Variants in FBXO16 observed in about 807,000 individuals in gnomAD.
The protein encoded by FBXO16 is F-box only protein 16.
FBXO16 carries 31 observed loss-of-function variants against 41.0 expected under a neutral mutation model. The ratio of observed to expected loss-of-function variants is 0.76; its 90% CI spans 0.57 to 1.02. The LOEUF is 1.02. Ranked by LOEUF, FBXO16 falls within the 50% of genes least tolerant of loss-of-function variation. The pLI is 0.00. For missense variants in FBXO16, 361 were observed against 346.2 expected, an observed-to-expected ratio of 1.04 and a Z score of -0.34; for synonymous variants, 133 against 117.8, an observed-to-expected ratio of 1.13 and a Z score of -0.84.
intron 2 of FBXO16, among the ~76,000 whole-genome samples, chr8:28,476,915 T>C (rs1184046833): frequency 1.3e-5 from 2 of 152,222 alleles, no homozygotes; most frequent in East Asian, 3.8e-4. Flanking sequence ...ACATACATAA[T>C]GAAATGTCAA....
intron 4 of FBXO16, among the ~76,000 whole-genome samples, chr8:28,458,821 TTTTTTGTG>T (rs938634565): frequency 4.7e-4 from 71 of 152,116 alleles, no homozygotes; most frequent in African/African-American, 1.5e-3. Context: ...ACAGTTTTTG[TTTTTTGTG>T]TTTTTGTGTT....
chr8:28,432,404 T>G (rs112138832), intron 7 of FBXO16, among the ~76,000 whole-genome samples: 11,212 of 150,124 alleles, frequency 0.075, 1,429 homozygotes, highest in African/African-American at 0.26. Flanking sequence ...AACCTGGGAG[T>G]CGGAGGTTGC....
intron 7 of FBXO16, among the ~76,000 whole-genome samples, chr8:28,433,480 T>C (rs1230306349): frequency 6.6e-6 from 1 of 152,184 alleles, no homozygotes; most frequent in Non-Finnish European, 1.5e-5. Flanking sequence ...CAACCTGATA[T>C]TTCCTGCTAG....
intron 1 of FBXO16, among the ~76,000 whole-genome samples, chr8:28,487,851 C>CTT (rs543323414): frequency 2.1e-5 from 3 of 143,412 alleles, no homozygotes; most frequent in Admixed American, 1.4e-4. Context: ...ATCTTTTTTT[C>CTT]TTTTTTTTTT....
intron 7 of FBXO16, among the ~76,000 whole-genome samples, chr8:28,445,043 A>C (rs1309483939): frequency 6.6e-6 from 1 of 152,010 alleles, no homozygotes; most frequent in South Asian, 2.1e-4. Flanking sequence ...CAAACAGCCA[A>C]GCTTGTCCTT....
intron 7 of FBXO16, among the ~76,000 whole-genome samples, chr8:28,444,690 C>G (rs1802834425): frequency 6.6e-6 from 1 of 150,528 alleles, no homozygotes; most frequent in Non-Finnish European, 1.5e-5. Context: ...CCGTGTTAGC[C>G]AGGATGGTCT....
chr8:28,460,246 T>TATATATATATATATATATA (rs58128827), intron 4 of FBXO16, among the ~76,000 whole-genome samples: 7 of 66,694 alleles, frequency 1.0e-4, no homozygotes, highest in African/African-American at 4.7e-4. Flanking sequence ...TATATATATA[T>TATATATATATATATATATA]TTTTTTTTTT....
intron 3 of FBXO16, among the ~76,000 whole-genome samples, chr8:28,467,168 C>G (rs574627153): frequency 5.9e-5 from 9 of 152,090 alleles, no homozygotes; most frequent in African/African-American, 2.2e-4. Flanking sequence ...CGTTGAGACC[C>G]AGGATGATTA....
intron 7 of FBXO16, among the ~76,000 whole-genome samples, chr8:28,437,567 G>A (rs1287408082): frequency 6.6e-6 from 1 of 152,196 alleles, no homozygotes; most frequent in East Asian, 1.9e-4. Flanking sequence ...CAGTCTAGGA[G>A]CATGGAGTAA....
At chr8:28,447,890 G>C (rs892170370) in intron 6 of FBXO16, among the ~76,000 whole-genome samples, 1 of 152,310 alleles carries the variant, frequency 6.6e-6, no homozygotes, top group South Asian at 2.1e-4. Flanking sequence ...GGAAGTAGAG[G>C]TTGTAGTGAG....
At chr8:28,480,477 ATTTCTTT>A (rs1342912395) in intron 2 of FBXO16, among the ~76,000 whole-genome samples, 2 of 151,778 alleles carry the variant, frequency 1.3e-5, no homozygotes, top group Non-Finnish European at 2.9e-5. Flanking sequence ...CTCTGATTCA[ATTTCTTT>A]TTTCTTTTTC....
chr8:28,473,651 C>T, intron 3 of FBXO16, 121 bp downstream of exon 3: 2 of 853,212 alleles, frequency 2.3e-6, no homozygotes, highest in Admixed American at 2.5e-5. Flanking sequence ...TTCTTTCTAT[C>T]CAAGTTGAGT....
chr8:28,429,310 A>G (rs1802572665), intron 8 of FBXO16, 68 bp downstream of exon 8: 1 of 1,548,084 alleles, frequency 6.5e-7, no homozygotes, highest in African/African-American at 1.4e-5. Context: ...CTCTCCATTA[A>G]TCAATACATG....
chr8:28,479,784 A>T (rs978255124), intron 2 of FBXO16, among the ~76,000 whole-genome samples: 1 of 151,954 alleles, frequency 6.6e-6, no homozygotes, highest in Admixed American at 6.6e-5. Flanking sequence ...GCAGTGGTAC[A>T]ATCGTGGCTT....
Position 28,452,307 on chromosome 8 carries a change from G to C in FBXO16, c.677C>G (p.Pro226Arg). Reference sequence around the variant, plus strand: ...GTAATTAAAACGAATGATATCTGTTGGGTGCTTATCAGAAGATCGCCAGGG... The same window carrying C: ...GTAATTAAAACGAATGATATCTGTTCGGTGCTTATCAGAAGATCGCCAGGG... ...LPPWRSSDKH[P>R]TDIIRFNYLD... The change falls in exon 6 of 9, where the codon CCA becomes CGA. Residue 226 changes from proline to arginine, a missense_variant. Physicochemically the swap from Pro to Arg is moderately radical, Grantham distance 103. Coordinates refer to ENST00000380254, the MANE Select transcript of FBXO16 (RefSeq NM_172366.4). 1 of 1,614,152 alleles carries C rather than the reference G, an allele frequency of 6.2e-7. No individual in the cohort carries two copies. Among genetic ancestry groups the C allele is most frequent in the South Asian group, 1.1e-5 (1 of 91,086 alleles).
chr8:28,428,706 C>A lies in FBXO16; in HGVS notation c.*21G>T. 1 of 1,570,760 alleles carries A rather than the reference C, an allele frequency of 6.4e-7. No homozygotes were observed. Among genetic ancestry groups the A allele is most frequent in the Non-Finnish European group, 8.6e-7 (1 of 1,160,728 alleles). On this transcript the variant is annotated 3_prime_UTR_variant, in exon 9 of 9. Transcript: ENST00000380254. ...GGAGGCCAGGCGAGATGAGCTGGAA[C>A]TTTTAGGGGAGAGCTGGCACTTAGG...
intron 7 of FBXO16, among the ~76,000 whole-genome samples, chr8:28,437,620 C>T (rs962657109): frequency 3.3e-5 from 5 of 152,222 alleles, no homozygotes; most frequent in Non-Finnish European, 7.3e-5. Flanking sequence ...CACCTGTCAT[C>T]CCAGTGCTCG....
chr8:28,464,526 G>A (rs1002083266), intron 3 of FBXO16, among the ~76,000 whole-genome samples: 3 of 152,226 alleles, frequency 2.0e-5, no homozygotes, highest in East Asian at 1.9e-4. Flanking sequence ...AGCTTAGTGA[G>A]CTACTTCACT....
At chr8:28,489,388 A>G (rs867315122) in intron 1 of FBXO16, among the ~76,000 whole-genome samples, 5 of 152,022 alleles carry the variant, frequency 3.3e-5, no homozygotes, top group African/African-American at 7.2e-5. Context: ...ATTTGTAGAA[A>G]TGTTGACCAA....
Sources: allele counts gnomAD v4.1 joint callset (sites outside exome capture counted in the v4.1 genomes callset), GRCh38; gene constraint gnomAD v4.1.1; transcripts MANE v1.5; gene names NCBI Gene and HGNC (gene_info 2026-07-23, HGNC 2026-07-21).